Variants in PPM1D observed in about 807,000 individuals in gnomAD.
PPM1D encodes protein phosphatase 1D.
A neutral mutation model predicts 58.3 loss-of-function variants in PPM1D; 52 were observed. The observed-to-expected ratio is 0.89, with a 90% confidence interval of 0.71 to 1.12. The LOEUF is 1.12. Among genes scored for constraint, PPM1D ranks in the 50% most tolerant of loss-of-function variants. The pLI is 0.00. For missense variants in PPM1D, 564 were observed against 777.2 expected, an observed-to-expected ratio of 0.73 and a Z score of 3.26; for synonymous variants, 278 against 285.1, an observed-to-expected ratio of 0.98 and a Z score of 0.25.
At chr17:60,633,764 CTT>C in intron 2 of PPM1D, 87 bp from the exon 3 acceptor site, 1 of 1,282,410 alleles carries the variant, frequency 7.8e-7, no homozygotes, top group Non-Finnish European at 1.1e-6. Context: ...ATAATGTAGT[CTT>C]ATTTTATTAG....
intron 1 of PPM1D, among the ~76,000 whole-genome samples, chr17:60,601,667 T>C (rs1227623576): frequency 6.6e-6 from 1 of 152,156 alleles, no homozygotes; most frequent in Non-Finnish European, 1.5e-5. Context: ...TACTTATAAA[T>C]TGTAACTGCC....
intron 1 of PPM1D, 94 bp downstream of exon 1, chr17:60,600,980 C>T (rs2030196790): frequency 6.4e-7 from 1 of 1,552,318 alleles, no homozygotes; most frequent in Non-Finnish European, 8.8e-7. Context: ...GCACCCAGAG[C>T]GCAACCAAAG....
chr17:60,601,877 A>AT (rs2030220220), intron 1 of PPM1D, among the ~76,000 whole-genome samples: 1 of 152,234 alleles, frequency 6.6e-6, no homozygotes, highest in South Asian at 2.1e-4. Flanking sequence ...AATAAATGGC[A>AT]TGCATCTTTG....
At chr17:60,655,370 A>G (rs2031417695) in intron 4 of PPM1D, among the ~76,000 whole-genome samples, 2 of 152,172 alleles carry the variant, frequency 1.3e-5, no homozygotes, top group South Asian at 4.1e-4. Flanking sequence ...TTGTTTTGAG[A>G]CGGAGTCTCG....
Position 60,665,361 on chromosome 17 carries a change from C to T in PPM1D, c.*1809C>T, listed in dbSNP as rs1473090675. The T allele has an allele frequency of 2.0e-5, 3 of 152,150 alleles. No individual in the cohort carries two copies. Among genetic ancestry groups the T allele is most frequent in the Admixed American group, 2.0e-4 (3 of 15,252 alleles). The allele number at this position is 152,150 out of a possible 1,614,324, so 9.4% of individuals were successfully genotyped here. A position where few individuals can be genotyped will look rare whatever the true frequency, so the allele number is the denominator to read the frequency against. The stretch of plus-strand genomic sequence containing the variant: ...AGTAGCTGGAACTACAGGTGCGTGC[C>T]ACCATGCCTGGCTAAGTTTTGTATT... On this transcript the variant is annotated 3_prime_UTR_variant, in exon 6 of 6. Transcript: ENST00000305921.
intron 3 of PPM1D, among the ~76,000 whole-genome samples, chr17:60,637,629 C>T (rs2031050709): frequency 6.6e-6 from 1 of 151,944 alleles, no homozygotes; most frequent in African/African-American, 2.4e-5. Context: ...TTGGGGGAGC[C>T]AGTAGCATAT....
At chr17:60,608,206 C>G (rs972666665) in intron 1 of PPM1D, among the ~76,000 whole-genome samples, 1 of 152,114 alleles carries the variant, frequency 6.6e-6, no homozygotes, top group South Asian at 2.1e-4. Flanking sequence ...GGTAGTCTCT[C>G]CAGAATTGAT....
chr17:60,605,244 G>A (rs2030306552), intron 1 of PPM1D, among the ~76,000 whole-genome samples: 1 of 152,192 alleles, frequency 6.6e-6, no homozygotes. Flanking sequence ...ACCAGCCATT[G>A]CTTTCTACCA....
intron 2 of PPM1D, among the ~76,000 whole-genome samples, chr17:60,626,685 C>T (rs899989965): frequency 1.3e-5 from 2 of 151,988 alleles, no homozygotes; most frequent in Admixed American, 6.6e-5. Flanking sequence ...TGAGCCACTG[C>T]ACCCGGCAAT....
At chr17:60,614,849 C>T (rs1223688242) in intron 1 of PPM1D, among the ~76,000 whole-genome samples, 1 of 152,106 alleles carries the variant, frequency 6.6e-6, no homozygotes, top group Non-Finnish European at 1.5e-5. Flanking sequence ...GGAAGAAACT[C>T]CGAACACATC....
intron 1 of PPM1D, among the ~76,000 whole-genome samples, chr17:60,621,638 A>G (rs947698185): frequency 4.0e-5 from 6 of 148,844 alleles, no homozygotes; most frequent in African/African-American, 1.0e-4. Context: ...CAGTGGCGCA[A>G]TCTCGGCTCA....
intron 5 of PPM1D, among the ~76,000 whole-genome samples, chr17:60,657,765 GTT>G (rs2031465683): frequency 6.6e-6 from 1 of 152,092 alleles, no homozygotes; most frequent in Non-Finnish European, 1.5e-5. Flanking sequence ...TTGAGACAGA[GTT>G]TCACTCTTGT....
chr17:60,649,977 TA>T (rs2031314619), intron 4 of PPM1D, among the ~76,000 whole-genome samples: 2 of 152,216 alleles, frequency 1.3e-5, no homozygotes, highest in Admixed American at 6.5e-5. Context: ...TAGAATTCTT[TA>T]ATGATCTGAG....
intron 3 of PPM1D, among the ~76,000 whole-genome samples, chr17:60,636,372 G>C (rs1178820294): frequency 6.6e-6 from 1 of 152,180 alleles, no homozygotes; most frequent in African/African-American, 2.4e-5. Context: ...TGTTCCAGGT[G>C]CTGAGGATTC....
At chr17:60,632,528 C>G (rs910108062) in intron 2 of PPM1D, among the ~76,000 whole-genome samples, 1 of 152,170 alleles carries the variant, frequency 6.6e-6, no homozygotes, top group Non-Finnish European at 1.5e-5. Context: ...GAGTGCACCA[C>G]TGCACTCCAG....
At chr17:60,627,632 G>A (rs1232159077) in intron 2 of PPM1D, among the ~76,000 whole-genome samples, 1 of 152,046 alleles carries the variant, frequency 6.6e-6, no homozygotes, top group African/African-American at 2.4e-5. Context: ...GTTTTGGTCA[G>A]GCTGGTCTTG....
chr17:60,632,199 CAA>C (rs538500335), intron 2 of PPM1D, among the ~76,000 whole-genome samples: 1 of 140,022 alleles, frequency 7.1e-6, no homozygotes, highest in Non-Finnish European at 1.6e-5. Context: ...GTCTCAAAAA[CAA>C]AAAAAAAAAC....
Position 60,638,527 on chromosome 17 carries a change from C to G in PPM1D, c.826+4550C>G, listed in dbSNP as rs541225028. 5.3e-5 allele frequency among the ~76,000 whole-genome samples: 8 copies of G among 152,166 alleles called. No individual in the cohort carries two copies. The East Asian group carries it at 1.5e-3, about 29-fold the overall frequency. On this transcript the variant is annotated intron_variant, in intron 3 of 5. Coordinates refer to ENST00000305921, the MANE Select transcript of PPM1D (RefSeq NM_003620.4). The stretch of plus-strand genomic sequence containing the variant: ...GGGATTACAGGTGCGTGCCACCACA[C>G]CTGGCTGATTTTTGTATTTTTAGTA...
intron 3 of PPM1D, among the ~76,000 whole-genome samples, chr17:60,647,151 G>T (rs1242448835): frequency 1.3e-5 from 2 of 152,158 alleles, no homozygotes; most frequent in African/African-American, 4.8e-5. Context: ...GAATTACATT[G>T]ACTTTGTAGA....
Sources: allele counts gnomAD v4.1 joint callset (sites outside exome capture counted in the v4.1 genomes callset), GRCh38; gene constraint gnomAD v4.1.1; transcripts MANE v1.5; gene names NCBI Gene and HGNC (gene_info 2026-07-23, HGNC 2026-07-21).